TTLL6: variants seen among roughly 807,000 people sequenced by gnomAD.
The protein encoded by TTLL6 is tubulin tyrosine ligase like 6.
A neutral mutation model predicts 96.4 loss-of-function variants in TTLL6; 75 were observed. The ratio of observed to expected loss-of-function variants is 0.78; its 90% confidence interval spans 0.65 to 0.94. TTLL6 has a LOEUF of 0.94. Ranked by LOEUF, TTLL6 falls within the 40% of genes least tolerant of loss-of-function variation. TTLL6 has a pLI of 0.00. For missense variants in TTLL6, 1,030 were observed against 1,093.0 expected (o/e 0.94, Z 0.81); for synonymous variants, 411 against 419.4 (o/e 0.98, Z 0.24).
intron 6 of TTLL6, among the ~76,000 whole-genome samples, chr17:48,797,787 C>CAAAAAA (rs58265844): frequency 1.7e-5 from 1 of 58,634 alleles, no homozygotes; most frequent in South Asian, 6.8e-4. Flanking sequence ...AACTCCATCT[C>CAAAAAA]AAAAAAAAAA....
chr17:48,780,854 T>C (rs1276006011), intron 13 of TTLL6, among the ~76,000 whole-genome samples: 1 of 152,208 alleles, frequency 6.6e-6, no homozygotes, highest in Non-Finnish European at 1.5e-5. Flanking sequence ...AATATTTCAT[T>C]ATATGTATAT....
chr17:48,763,717 T>G (rs971284658), intron 15 of TTLL6, among the ~76,000 whole-genome samples: 1 of 152,056 alleles, frequency 6.6e-6, no homozygotes, highest in African/African-American at 2.4e-5. Flanking sequence ...GAGAATCAGT[T>G]GAACCTGGGA....
intron 1 of TTLL6, among the ~76,000 whole-genome samples, chr17:48,808,096 C>A (rs1485986237): frequency 6.6e-6 from 1 of 151,634 alleles, no homozygotes; most frequent in East Asian, 2.0e-4. Flanking sequence ...CCTCGGCCTC[C>A]CAAAGTGCTG....
chr17:48,784,406 A>G (rs79791553), intron 13 of TTLL6, among the ~76,000 whole-genome samples: 1 of 150,082 alleles, frequency 6.7e-6, no homozygotes, highest in Non-Finnish European at 1.5e-5. Context: ...CCTTGTCTCA[A>G]AAAAAAAAAT....
chr17:48,787,314 T>C (rs1023691298), intron 11 of TTLL6, among the ~76,000 whole-genome samples: 2 of 152,170 alleles, frequency 1.3e-5, no homozygotes, highest in East Asian at 1.9e-4. Context: ...AAAGAGCTAC[T>C]TCTCTCCACT....
At chr17:48,776,556 A>G (rs901520517) in intron 13 of TTLL6, among the ~76,000 whole-genome samples, 1 of 152,254 alleles carries the variant, frequency 6.6e-6, no homozygotes, top group Non-Finnish European at 1.5e-5. Context: ...TAAAGAAATA[A>G]TTCCATTTAC....
intron 13 of TTLL6, among the ~76,000 whole-genome samples, chr17:48,771,324 G>A (rs926091391): frequency 3.3e-5 from 5 of 152,234 alleles, no homozygotes; most frequent in Non-Finnish European, 5.9e-5. Context: ...TTAATGGATG[G>A]CTCAAATAAA....
At chr17:48,766,460 T>A (rs1200494364) in intron 15 of TTLL6, among the ~76,000 whole-genome samples, 1 of 152,254 alleles carries the variant, frequency 6.6e-6, no homozygotes, top group Non-Finnish European at 1.5e-5. Flanking sequence ...ACCCTCTTCA[T>A]ATAATGATCT....
rs773356685 is a variant in TTLL6 at position 48,762,355 on chromosome 17, T to C, written c.*619A>G. On this transcript the variant is annotated 3_prime_UTR_variant, in exon 16 of 16. Transcript: ENST00000393382. ...ACTCTCGCCTCACCTCTGTTTTCAC[T>C]GGTGAGATTAAGTTGGGCTGGTGAG... 2 of 152,206 alleles carry C rather than the reference T, an allele frequency of 1.3e-5. No individual in the cohort carries two copies. Among genetic ancestry groups the C allele is most frequent in the Non-Finnish European group, 2.9e-5 (2 of 68,080 alleles). The allele number at this position is 152,206 out of a possible 1,614,324, so 9.4% of individuals were successfully genotyped here.
At chr17:48,797,040 T>C (rs748856339) in intron 7 of TTLL6, 21 bp downstream of exon 7, 7 of 1,545,996 alleles carry the variant, frequency 4.5e-6, no homozygotes, top group Non-Finnish European at 6.1e-6. Flanking sequence ...TAGGGTGAGG[T>C]AGTGTGTCTC....
At position 48,817,126 on chromosome 17, in the gene TTLL6, C is replaced by T; in HGVS notation, c.-54G>A. Reference sequence around the variant, plus strand: ...CGCGCTCGCCCTAACTTTGGGTCCGCCCGGCCCTCATATTTGCATACGGGG... The same window carrying T: ...CGCGCTCGCCCTAACTTTGGGTCCGTCCGGCCCTCATATTTGCATACGGGG... On this transcript the variant is annotated 5_prime_UTR_variant, in exon 1 of 16. Transcript: ENST00000393382. 1 of 1,401,186 alleles carries T rather than the reference C, an allele frequency of 7.1e-7. No individual in the cohort carries two copies. Among genetic ancestry groups the T allele is most frequent in the Middle Eastern group, 1.8e-4 (1 of 5,648 alleles). 86.8% of individuals were successfully genotyped at this position (1,401,186 alleles called of 1,614,324 possible). A position where few individuals can be genotyped will look rare whatever the true frequency, so the allele number is the denominator to read the frequency against.
chr17:48,793,132 G>A (rs1021663245), intron 8 of TTLL6, among the ~76,000 whole-genome samples: 12 of 152,170 alleles, frequency 7.9e-5, no homozygotes, highest in African/African-American at 2.2e-4. Context: ...GAGTTTGTGC[G>A]CCAGTGGGGT....
intron 14 of TTLL6, 69 bp from the exon 15 acceptor site, chr17:48,769,323 C>G: frequency 6.6e-7 from 1 of 1,518,456 alleles, no homozygotes; most frequent in Non-Finnish European, 8.8e-7. Context: ...CTGGTGAAGA[C>G]CACCTCCCAG....
chr17:48,799,538 T>G, intron 6 of TTLL6, 66 bp downstream of exon 6: 10 of 1,468,470 alleles, frequency 6.8e-6, no homozygotes, highest in Non-Finnish European at 8.3e-6. Flanking sequence ...TTTCACATTC[T>G]GTCCAGTGGA....
chr17:48,763,479 C>T (rs934324643), intron 15 of TTLL6, among the ~76,000 whole-genome samples: 9 of 152,268 alleles, frequency 5.9e-5, no homozygotes, highest in Admixed American at 4.6e-4. Context: ...CCCACTTTAC[C>T]AAGCCATGAG....
intron 3 of TTLL6, among the ~76,000 whole-genome samples, chr17:48,802,358 T>A (rs1388023807): frequency 6.6e-6 from 1 of 152,224 alleles, no homozygotes; most frequent in Admixed American, 6.5e-5. Context: ...CCAAGCTTAA[T>A]TAGTATATGG....
intron 13 of TTLL6, among the ~76,000 whole-genome samples, chr17:48,774,327 C>A (rs1358521740): frequency 6.7e-6 from 1 of 148,318 alleles, no homozygotes; most frequent in Non-Finnish European, 1.5e-5. Context: ...CCACGCCCAG[C>A]TAATTTTTTG....
At chr17:48,795,250 C>T (rs534686189) in intron 8 of TTLL6, among the ~76,000 whole-genome samples, 3 of 151,168 alleles carry the variant, frequency 2.0e-5, no homozygotes, top group African/African-American at 7.3e-5. Flanking sequence ...TGCTTTAACC[C>T]GGGAGGCAGA....
rs1440887233 is a variant in TTLL6, at chr17:48,797,051, C to T, written c.912+10G>A. On this transcript the variant is annotated intron_variant, in intron 7 of 15. Transcript: ENST00000393382. ...GGGGTAGGGTGAGGTAGTGTGTCTC[C>T]TTAGCTCACCAGGTTGTCTGTGCAA... 5 of 1,549,620 alleles carry T rather than the reference C, an allele frequency of 3.2e-6. No individual in the cohort carries two copies. In the African/African-American group the frequency reaches 6.9e-5, roughly 21 times the overall value.
Sources: gnomAD v4.1 joint callset for allele counts (sites outside exome capture counted in the v4.1 genomes callset) on GRCh38, gnomAD v4.1.1 for gene constraint, MANE v1.5 for transcripts, NCBI Gene and HGNC (gene_info 2026-07-23, HGNC 2026-07-21) for gene names.